B3GALT1: variants seen among roughly 807,000 people sequenced by gnomAD.
The protein encoded by B3GALT1 is beta-1,3-galactosyltransferase 1.
Under a neutral mutation model 23.2 loss-of-function variants are expected in B3GALT1, and 10 were observed. The observed-to-expected ratio is 0.43, with a 90% CI of 0.27 to 0.73. The LOEUF is 0.73. B3GALT1 is among the 30% of genes least tolerant of loss of function. The probability of loss-of-function intolerance (pLI) is 0.21; values close to 1 mark genes in which losing one functional copy is unlikely to be tolerated. For missense variants in B3GALT1, 299 were observed against 405.4 expected (o/e 0.74, Z 2.25); for synonymous variants, 156 against 141.5 (o/e 1.10, Z -0.73).
chr2:167,380,811 T>C (rs1274514833), intron 1 of B3GALT1, among the ~76,000 whole-genome samples: 5 of 152,156 alleles, frequency 3.3e-5, no homozygotes, highest in Non-Finnish European at 7.3e-5. Flanking sequence ...TCTCACATAC[T>C]GAGGCTTTAC....
intron 4 of B3GALT1, among the ~76,000 whole-genome samples, chr2:167,866,211 G>C (rs1322410686): frequency 5.3e-5 from 8 of 152,184 alleles, no homozygotes; most frequent in African/African-American, 1.9e-4. Context: ...GGGTGGAGGA[G>C]TGAGATTCAC....
At chr2:167,420,252 G>T (rs527684195) in intron 1 of B3GALT1, among the ~76,000 whole-genome samples, 1 of 152,196 alleles carries the variant, frequency 6.6e-6, no homozygotes, top group Non-Finnish European at 1.5e-5. Flanking sequence ...CCAGAGAAAT[G>T]CTGGAATATG....
At chr2:167,421,264 C>G (rs745377338) in intron 1 of B3GALT1, among the ~76,000 whole-genome samples, 17 of 152,130 alleles carry the variant, frequency 1.1e-4, no homozygotes, top group Non-Finnish European at 2.2e-4. Flanking sequence ...TGCAATTGCT[C>G]AGTAACCAAA....
chr2:167,866,524 A>G (rs946439697), intron 4 of B3GALT1, among the ~76,000 whole-genome samples: 1 of 152,260 alleles, frequency 6.6e-6, no homozygotes, highest in Non-Finnish European at 1.5e-5. Flanking sequence ...AAATGAATGA[A>G]TAAATTCAAG....
chr2:167,388,565 C>T (rs1163723939), intron 1 of B3GALT1, among the ~76,000 whole-genome samples: 3 of 152,052 alleles, frequency 2.0e-5, no homozygotes, highest in African/African-American at 7.2e-5. Context: ...GGTAAATATT[C>T]GTCCAAGTAA....
At chr2:167,580,909 A>G (rs1227145) in intron 2 of B3GALT1, among the ~76,000 whole-genome samples, 55,805 of 151,994 alleles carry the variant, frequency 0.37, 11,432 homozygotes, top group East Asian at 0.85. Flanking sequence ...AGACACTGAT[A>G]TGTGTTCACT....
chr2:167,439,503 G>A (rs1300790980), intron 1 of B3GALT1, among the ~76,000 whole-genome samples: 1 of 151,784 alleles, frequency 6.6e-6, no homozygotes, highest in African/African-American at 2.4e-5. Context: ...TTATAGAAAT[G>A]TTATGGTCTT....
At chr2:167,765,006 T>C (rs1231245254) in intron 3 of B3GALT1, among the ~76,000 whole-genome samples, 1 of 152,134 alleles carries the variant, frequency 6.6e-6, no homozygotes, top group East Asian at 1.9e-4. Flanking sequence ...ATAATGGAGA[T>C]GGGAACCTTT....
At position 167,358,649 on chromosome 2, in the gene B3GALT1, T is replaced by C. The variant is rs574006980; in HGVS notation, c.-511+65315T>C. 3.3e-3 allele frequency among the ~76,000 whole-genome samples: 508 copies of C among 151,922 alleles called. 1 individual carries two copies. Among genetic ancestry groups the C allele is most frequent in the Middle Eastern group, 0.014 (4 of 294 alleles). Reference sequence around the variant, plus strand: ...TTATTAAGAATCCTTTATTTAAGTGTGATATTTGAATTAACACTATATACT... The same window carrying C: ...TTATTAAGAATCCTTTATTTAAGTGCGATATTTGAATTAACACTATATACT... On this transcript the variant is annotated intron_variant, in intron 1 of 4. Coordinates refer to ENST00000392690, the MANE Select transcript of B3GALT1 (RefSeq NM_020981.4).
chr2:167,801,057 A>T (rs1353088056), intron 3 of B3GALT1, among the ~76,000 whole-genome samples: 2 of 152,236 alleles, frequency 1.3e-5, no homozygotes, highest in African/African-American at 4.8e-5. Flanking sequence ...CCAATCAGAC[A>T]TGTAAATAAT....
chr2:167,704,038 G>A (rs560338813), intron 3 of B3GALT1, among the ~76,000 whole-genome samples: 213 of 152,060 alleles, frequency 1.4e-3, no homozygotes, highest in South Asian at 2.5e-3. Context: ...AAAATTAGCC[G>A]GGTGTGGTAT....
intron 1 of B3GALT1, among the ~76,000 whole-genome samples, chr2:167,481,320 TCCTGTATATTTATCTAAGTTTG>T (rs1191184240): frequency 2.0e-5 from 3 of 152,214 alleles, no homozygotes; most frequent in Non-Finnish European, 4.4e-5. Flanking sequence ...ATGATAGTTG[TCCTGTATATTTATCTAAGTTTG>T]CCTGTATATT....
intron 1 of B3GALT1, among the ~76,000 whole-genome samples, chr2:167,470,650 C>G (rs180950309): frequency 6.6e-6 from 1 of 151,994 alleles, no homozygotes; most frequent in Non-Finnish European, 1.5e-5. Context: ...TTGAGATTGT[C>G]CCACCCCCAT....
intron 1 of B3GALT1, among the ~76,000 whole-genome samples, chr2:167,314,194 T>TA (rs1696676199): frequency 6.6e-6 from 1 of 151,450 alleles, no homozygotes; most frequent in Admixed American, 6.6e-5. Flanking sequence ...TGTTGAAGAA[T>TA]AAAATAAAAA....
At chr2:167,554,703 A>G (rs1323079570) in intron 2 of B3GALT1, among the ~76,000 whole-genome samples, 1 of 152,154 alleles carries the variant, frequency 6.6e-6, no homozygotes, top group Non-Finnish European at 1.5e-5. Context: ...TCCACAAAAG[A>G]TTTTTTGCCT....
At chr2:167,821,210 A>G (rs910861958) in intron 4 of B3GALT1, among the ~76,000 whole-genome samples, 3 of 152,146 alleles carry the variant, frequency 2.0e-5, no homozygotes, top group Non-Finnish European at 2.9e-5. Flanking sequence ...TCAGTTTTTC[A>G]TATCAATTTC....
chr2:167,715,402 G>T, intron 3 of B3GALT1: 1 of 1,612,908 alleles, frequency 6.2e-7, no homozygotes. Flanking sequence ...GCTGTTTCTG[G>T]CTTTCCTGAA....
intron 1 of B3GALT1, among the ~76,000 whole-genome samples, chr2:167,474,788 G>T (rs888258516): frequency 6.6e-6 from 1 of 152,100 alleles, no homozygotes; most frequent in African/African-American, 2.4e-5. Context: ...AAAATTTGAT[G>T]TGATTTTTGA....
intron 3 of B3GALT1, among the ~76,000 whole-genome samples, chr2:167,745,437 C>A (rs911265341): frequency 6.6e-6 from 1 of 152,128 alleles, no homozygotes; most frequent in African/African-American, 2.4e-5. Context: ...AGATCATTTT[C>A]CTTCTATGAA....
Sources: gnomAD v4.1 joint callset for allele counts (sites outside exome capture counted in the v4.1 genomes callset) on GRCh38, gnomAD v4.1.1 for gene constraint, MANE v1.5 for transcripts, NCBI Gene and HGNC (gene_info 2026-07-23, HGNC 2026-07-21) for gene names.